PTK2: variants seen among roughly 807,000 people sequenced by gnomAD.
PTK2 encodes focal adhesion kinase 1.
PTK2 carries 45 observed loss-of-function variants against 150.1 expected under a neutral mutation model. The observed-to-expected ratio is 0.30, with a 90% CI of 0.24 to 0.38. The LOEUF is 0.38. PTK2 is among the 10% of genes least tolerant of loss of function. The pLI is 1.00. For synonymous variants in PTK2, 432 were observed against 449.2 expected (o/e 0.96, Z 0.48); for missense variants, 919 against 1,307.3 (o/e 0.70, Z 4.58).
intron 2 of PTK2, among the ~76,000 whole-genome samples, chr8:140,907,378 C>T (rs1445599758): frequency 1.3e-5 from 2 of 152,152 alleles, no homozygotes; most frequent in Non-Finnish European, 2.9e-5. Flanking sequence ...CTGCAATGCT[C>T]CAACAAGTTT....
At position 140,764,291 on chromosome 8, in the gene PTK2, C is replaced by T. The variant is rs779040219; in HGVS notation, c.1178-1G>A. ...ATAATCTCAGCATAATCATCTGTTT[C>T]TGCAGGAAAAGAAACAGATATGTTG... is the stretch of plus-strand genomic sequence containing the variant. On this transcript the variant is annotated splice_acceptor_variant, in intron 14 of 31. Transcript: ENST00000522684. LOFTEE classifies it high-confidence loss of function. The T allele has an allele frequency of 6.2e-7, 1 of 1,607,176 alleles. No homozygotes were observed. Among genetic ancestry groups the T allele is most frequent in the South Asian group, 1.1e-5 (1 of 90,874 alleles).
Position 140,921,200 on chromosome 8 carries a change from C to T in PTK2, c.-33+4461G>A, listed in dbSNP as rs576710851. ...AATGAAACCAGCTTAGTAATGTGAC[C>T]CCATGGCTCTGTGTTCCTAGATTCA... On this transcript the variant is annotated intron_variant, in intron 2 of 31. Transcript: ENST00000522684. 1.5e-5 allele frequency: 15 copies of T among 998,234 alleles called. No individual in the cohort carries two copies. In the South Asian group the frequency reaches 6.3e-4, roughly 42 times the overall value. The allele number at this position is 998,234 out of a possible 1,614,324, so 61.8% of individuals were successfully genotyped here.
intron 25 of PTK2, among the ~76,000 whole-genome samples, chr8:140,701,694 G>A (rs892505563): frequency 1.3e-5 from 2 of 152,186 alleles, no homozygotes; most frequent in African/African-American, 4.8e-5. Context: ...ACATGCTGAC[G>A]ATAGTCCACT....
chr8:140,711,356 C>G (rs1243984815), intron 23 of PTK2, among the ~76,000 whole-genome samples: 1 of 152,182 alleles, frequency 6.6e-6, no homozygotes, highest in Non-Finnish European at 1.5e-5. Flanking sequence ...ATCAGCTCAT[C>G]TTGGCTGCCC....
At chr8:140,777,998 C>T (rs2100079417) in intron 14 of PTK2, among the ~76,000 whole-genome samples, 1 of 152,332 alleles carries the variant, frequency 6.6e-6, no homozygotes, top group Admixed American at 6.5e-5. Flanking sequence ...GCATATTTGA[C>T]ATTTGTTCTC....
intron 1 of PTK2, among the ~76,000 whole-genome samples, chr8:140,972,517 C>T (rs199741195): frequency 7.9e-5 from 12 of 152,152 alleles, no homozygotes; most frequent in African/African-American, 2.2e-4. Flanking sequence ...TGCCTCCCTC[C>T]GCCTCCCAAA....
intron 1 of PTK2, among the ~76,000 whole-genome samples, chr8:140,956,068 T>C (rs7007003): frequency 0.082 from 12,412 of 152,252 alleles, 665 homozygotes; most frequent in Middle Eastern, 0.13. Context: ...CCTATGCACT[T>C]TCCTCTCAAA....
chr8:140,760,575 A>G (rs2100068841), intron 16 of PTK2, among the ~76,000 whole-genome samples: 1 of 152,194 alleles, frequency 6.6e-6, no homozygotes, highest in African/African-American at 2.4e-5. Flanking sequence ...AGGCTGGGGA[A>G]GGGTGGAATG....
intron 5 of PTK2, among the ~76,000 whole-genome samples, chr8:140,851,387 T>C (rs913904377): frequency 3.9e-5 from 6 of 152,206 alleles, no homozygotes; most frequent in African/African-American, 1.2e-4. Flanking sequence ...GCCAGGATAT[T>C]ATAGTGAATA....
chr8:140,827,166 G>A (rs544805686), intron 8 of PTK2, among the ~76,000 whole-genome samples: 2 of 152,206 alleles, frequency 1.3e-5, no homozygotes, highest in African/African-American at 2.4e-5. Flanking sequence ...TCTGCAATGA[G>A]TCCCCAATCC....
Position 140,866,005 on chromosome 8 carries a change from G to A in PTK2, c.363-1606C>T, listed in dbSNP as rs545480911. Reference sequence around the variant, plus strand: ...TTGCCATGTTGCCCAGTCTGGTCTCGAACTCCTGAGTCAGTTCAACAAATC... The same window carrying A: ...TTGCCATGTTGCCCAGTCTGGTCTCAAACTCCTGAGTCAGTTCAACAAATC... On this transcript the variant is annotated intron_variant, in intron 4 of 31. Coordinates refer to ENST00000522684, the Ensembl canonical transcript of PTK2. Among the ~76,000 whole-genome samples, 5 of 152,216 alleles carry A rather than the reference G, an allele frequency of 3.3e-5. No homozygotes were observed. The South Asian group carries it at 8.3e-4, about 25-fold the overall frequency.
At chr8:140,945,676 G>A (rs1294402596) in intron 1 of PTK2, among the ~76,000 whole-genome samples, 2 of 151,688 alleles carry the variant, frequency 1.3e-5, no homozygotes, top group Non-Finnish European at 2.9e-5. Flanking sequence ...AAGCTCCTCA[G>A]GGCCTGATTG....
chr8:140,749,344 C>A (rs1226149248), intron 17 of PTK2, among the ~76,000 whole-genome samples: 1 of 152,198 alleles, frequency 6.6e-6, no homozygotes, highest in East Asian at 1.9e-4. Flanking sequence ...TTTATTATAA[C>A]TTTTGGTTTT....
intron 1 of PTK2, among the ~76,000 whole-genome samples, chr8:140,997,080 C>T (rs1407494955): frequency 2.0e-5 from 3 of 152,120 alleles, no homozygotes. Context: ...TTGCTTCCAA[C>T]CGTCATGGAT....
At chr8:140,777,169 A>C (rs2100078935) in intron 14 of PTK2, among the ~76,000 whole-genome samples, 1 of 152,224 alleles carries the variant, frequency 6.6e-6, no homozygotes, top group African/African-American at 2.4e-5. Context: ...CTATCAAGAA[A>C]TACCGGAGAC....
intron 27 of PTK2, 69 bp from the exon 31 acceptor site, chr8:140,675,568 C>T: frequency 8.6e-7 from 1 of 1,165,258 alleles, no homozygotes; most frequent in Non-Finnish European, 1.3e-6. Flanking sequence ...TCTCACCCAC[C>T]CTGTCTATCC....
intron 11 of PTK2, 145 bp from the exon 12 acceptor site, chr8:140,800,721 A>G: frequency 1.6e-6 from 1 of 634,636 alleles, no homozygotes; most frequent in Non-Finnish European, 2.8e-6. Flanking sequence ...GATTTGAGAA[A>G]GGAAATCTGA....
chr8:140,729,905 A>G (rs577040480), intron 22 of PTK2, among the ~76,000 whole-genome samples: 125 of 152,286 alleles, frequency 8.2e-4, no homozygotes, highest in African/African-American at 2.2e-3. Context: ...TAAACTAACG[A>G]TGAAGATACT....
At chr8:140,982,579 T>G (rs1393944999) in intron 1 of PTK2, among the ~76,000 whole-genome samples, 1 of 151,862 alleles carries the variant, frequency 6.6e-6, no homozygotes, top group African/African-American at 2.4e-5. Context: ...CCTGGGCAAC[T>G]GAGCAAGACT....
Sources: allele counts gnomAD v4.1 joint callset (sites outside exome capture counted in the v4.1 genomes callset), GRCh38; gene constraint gnomAD v4.1.1; transcripts MANE v1.5; gene names NCBI Gene and HGNC (gene_info 2026-07-23, HGNC 2026-07-21).